The following SLC38A2 variants were observed in gnomAD, a reference collection of about 807,000 sequenced individuals.
SLC38A2 encodes the protein sodium-coupled neutral amino acid symporter 2.
SLC38A2 carries 11 observed loss-of-function variants against 61.5 expected under a neutral mutation model. That is an observed-to-expected ratio of 0.18 (90% CI 0.11 to 0.30). The LOEUF is 0.30. SLC38A2 is among the 10% of genes least tolerant of loss of function. SLC38A2 has a pLI of 1.00. For missense variants in SLC38A2, 522 were observed against 600.4 expected, an observed-to-expected ratio of 0.87 and a Z score of 1.36; for synonymous variants, 217 against 212.5, an observed-to-expected ratio of 1.02 and a Z score of -0.18.
chr12:46,362,612 C>A lies in SLC38A2; in HGVS notation c.1206G>T (p.Leu402Phe). 1 of 1,580,866 alleles carries A rather than the reference C, an allele frequency of 6.3e-7. No individual in the cohort carries two copies. The highest frequency in any genetic ancestry group is 1.2e-5 in the South Asian group (1 of 83,206). ...ACCAACTGAAATCTTTTGATGCACA[C>A]AACAAGTGAGTTACAGAACTCCGGA... ...FPIRSSVTHL[L>F]CASKDFSWWR... The change falls in exon 14 of 16, where the codon TTG becomes TTT. Residue 402 changes from leucine (L) to phenylalanine (F), a missense_variant. Leu to Phe is a conservative substitution (Grantham distance 22). Coordinates refer to ENST00000256689, the MANE Select transcript of SLC38A2 (RefSeq NM_018976.5).
chr12:46,372,111 C>T (rs1456274954), intron 1 of SLC38A2, among the ~76,000 whole-genome samples: 1 of 152,246 alleles, frequency 6.6e-6, no homozygotes, highest in Admixed American at 6.5e-5. Flanking sequence ...CCAATCTTGG[C>T]CTCTCCTGTA....
At position 46,358,288 on chromosome 12, in the gene SLC38A2, G is replaced by C. The variant is rs755892886; in HGVS notation, c.*2823C>G. The C allele has an allele frequency of 6.6e-6, 1 of 152,574 alleles. No individual in the cohort carries two copies. Among genetic ancestry groups the C allele is most frequent in the Non-Finnish European group, 1.5e-5 (1 of 68,026 alleles). The allele number at this position is 152,574 out of a possible 1,614,324, so 9.5% of individuals were successfully genotyped here. A position where few individuals can be genotyped will look rare whatever the true frequency, so the allele number is the denominator to read the frequency against. On this transcript the variant is annotated 3_prime_UTR_variant, in exon 16 of 16. Transcript: ENST00000256689. ...TTTGCCAACAAGCCATACTAGAATT[G>C]TTGGCCTCTAACAGTACAGTGGGGA...
rs1211170960 is a variant in SLC38A2 at position 46,362,487 on chromosome 12, A to C, written c.1324+7T>G. 2 of 1,592,782 alleles carry C rather than the reference A, an allele frequency of 1.3e-6. No individual in the cohort carries two copies. The highest frequency in any genetic ancestry group is 1.7e-6 in the Non-Finnish European group (2 of 1,174,220). On this transcript the variant is annotated splice_region_variant and intron_variant, in intron 14 of 15. Coordinates refer to ENST00000256689, the MANE Select transcript of SLC38A2 (RefSeq NM_018976.5). ...TTGAATCCACTTGGATACTTTCTAA[A>C]ACTTACCAATAAAACCAAAGATATC...
Position 46,360,335 on chromosome 12 carries a change from G to A in SLC38A2, c.*776C>T, listed in dbSNP as rs1332165047. ...GAATGAACCAAATTGTTTGGGGACA[G>A]AGAAGAAAAGTGATGAACAGAGTTC... On this transcript the variant is annotated 3_prime_UTR_variant, in exon 16 of 16. Coordinates refer to ENST00000256689, the MANE Select transcript of SLC38A2 (RefSeq NM_018976.5). 6.6e-6 allele frequency: 1 copy of A among 152,494 alleles called. No individual in the cohort carries two copies. The highest frequency in any genetic ancestry group is 1.9e-4 in the East Asian group (1 of 5,186). The allele number at this position is 152,494 out of a possible 1,614,324, so 9.4% of individuals were successfully genotyped here.
At chr12:46,363,903 A>T in intron 11 of SLC38A2, 21 bp downstream of exon 11, 1 of 1,597,370 alleles carries the variant, frequency 6.3e-7, no homozygotes, top group South Asian at 1.1e-5. Context: ...TCTCAAATTT[A>T]TGTAAAAATG....
At position 46,364,020 on chromosome 12, in the gene SLC38A2, AAATCTACTT is replaced by A; in HGVS notation, c.874-26_874-18del. ...ATAGACAGTCTGAAAGAAAACGTAAAAATCTACTTAATCTGATGTAACGAACTCATGCTG... is the reference window on the plus strand; with the variant it reads ...ATAGACAGTCTGAAAGAAAACGTAAAAATCTGATGTAACGAACTCATGCTG... On this transcript the variant is annotated intron_variant, in intron 10 of 15. Transcript: ENST00000256689. 3.1e-6 allele frequency: 5 copies of A among 1,589,850 alleles called. No homozygotes were observed. The highest frequency in any genetic ancestry group is 4.3e-6 in the Non-Finnish European group (5 of 1,169,482).
intron 7 of SLC38A2, among the ~76,000 whole-genome samples, chr12:46,366,085 C>T (rs935854141): frequency 3.9e-5 from 6 of 152,128 alleles, no homozygotes; most frequent in African/African-American, 1.4e-4. Flanking sequence ...TATCCTTCCC[C>T]ATGTTTACTT....
At chr12:46,367,243 G>C (rs756011173) in intron 5 of SLC38A2, 24 bp downstream of exon 5, 2 of 1,585,132 alleles carry the variant, frequency 1.3e-6, no homozygotes, top group Admixed American at 1.7e-5. Context: ...CATTGTTTTA[G>C]AAAAATCAAG....
chr12:46,361,085 C>T lies in SLC38A2; in HGVS notation c.*26G>A, dbSNP rs1053937619. On this transcript the variant is annotated 3_prime_UTR_variant, in exon 16 of 16. Coordinates refer to ENST00000256689, the MANE Select transcript of SLC38A2 (RefSeq NM_018976.5). ...TTACTCAACACTGGCATCAGATGGACTGAGTTTGAGTTTGAGTGGTGCCAA... is the reference window on the plus strand; with the variant it reads ...TTACTCAACACTGGCATCAGATGGATTGAGTTTGAGTTTGAGTGGTGCCAA... 3.2e-6 allele frequency: 5 copies of T among 1,578,872 alleles called. No homozygotes were observed. The highest frequency in any genetic ancestry group is 4.3e-6 in the Non-Finnish European group (5 of 1,150,746).
At chr12:46,361,343 G>A in intron 15 of SLC38A2, 134 bp from the exon 16 acceptor site, 1 of 722,630 alleles carries the variant, frequency 1.4e-6, no homozygotes, top group Admixed American at 2.8e-5. Context: ...TATTTAACTT[G>A]CTAAATATAA....
At chr12:46,370,416 C>T (rs1246337865) in intron 4 of SLC38A2, 96 bp downstream of exon 4, 3 of 885,266 alleles carry the variant, frequency 3.4e-6, no homozygotes, top group South Asian at 1.4e-5. Context: ...ACTTTTGAGT[C>T]AGCTACTCCA....
intron 7 of SLC38A2, among the ~76,000 whole-genome samples, chr12:46,366,641 T>C (rs1943141134): frequency 6.6e-6 from 1 of 152,214 alleles, no homozygotes; most frequent in African/African-American, 2.4e-5. Flanking sequence ...AAACCTGTTT[T>C]AGAAATTAAG....
chr12:46,372,576 A>T lies in SLC38A2; in HGVS notation c.-154T>A. 1 of 397,620 alleles carries T rather than the reference A, an allele frequency of 2.5e-6. No homozygotes were observed. The highest frequency in any genetic ancestry group is 4.4e-6 in the Non-Finnish European group (1 of 225,602). 24.6% of individuals were successfully genotyped at this position (397,620 alleles called of 1,614,324 possible). A position where few individuals can be genotyped will look rare whatever the true frequency, so the allele number is the denominator to read the frequency against. On this transcript the variant is annotated 5_prime_UTR_variant, in exon 1 of 16. Transcript: ENST00000256689. The stretch of plus-strand genomic sequence containing the variant: ...CTCTCAGTCAAATACAAATCATAAA[A>T]AACAAACAAAAAATTTCCCCAAATC...
rs1055639864 is a variant in SLC38A2, at chr12:46,367,506, T to G, written c.315-166A>C. ...CTCCTACTAACTGGAATGGCAACAC[T>G]GTCTCTTGGCTGGCAGTAAAAACTT... On this transcript the variant is annotated intron_variant, in intron 4 of 15. Transcript: ENST00000256689. 14 of 612,708 alleles carry G rather than the reference T, an allele frequency of 2.3e-5. No homozygotes were observed. The African/African-American group carries it at 2.6e-4, about 11-fold the overall frequency. 38.0% of individuals were successfully genotyped at this position (612,708 alleles called of 1,614,324 possible). A position where few individuals can be genotyped will look rare whatever the true frequency, so the allele number is the denominator to read the frequency against.
rs1943052740 is a variant in SLC38A2, at chr12:46,359,046, T to G, written c.*2065A>C. 1 of 151,836 alleles carries G rather than the reference T, an allele frequency of 6.6e-6. No individual in the cohort carries two copies. Among genetic ancestry groups the G allele is most frequent in the Non-Finnish European group, 1.5e-5 (1 of 67,994 alleles). 9.4% of individuals were successfully genotyped at this position (151,836 alleles called of 1,614,324 possible). On this transcript the variant is annotated 3_prime_UTR_variant, in exon 16 of 16. Coordinates refer to ENST00000256689, the MANE Select transcript of SLC38A2 (RefSeq NM_018976.5). ...TTAATTTGCTGTAGAGAAAAGAATT[T>G]TTTTTCCATTCCTTCCTGGTTGCCA... is the stretch of plus-strand genomic sequence containing the variant.
intron 1 of SLC38A2, among the ~76,000 whole-genome samples, chr12:46,371,813 TA>T (rs1943205835): frequency 6.6e-6 from 1 of 152,182 alleles, no homozygotes; most frequent in Admixed American, 6.5e-5. Flanking sequence ...CAATGCTGCG[TA>T]ATCTGTCCTT....
chr12:46,364,588 T>A, intron 9 of SLC38A2, 32 bp from the exon 10 acceptor site: 1 of 1,599,430 alleles, frequency 6.3e-7, no homozygotes, highest in Non-Finnish European at 8.5e-7. Flanking sequence ...TGTGTTAAAC[T>A]AAGTGACATG....
chr12:46,358,566 A>G lies in SLC38A2; in HGVS notation c.*2545T>C, dbSNP rs1210203067. On this transcript the variant is annotated 3_prime_UTR_variant, in exon 16 of 16. Transcript: ENST00000256689. ...TTGTACACAATTTGTCAATTTTTCAATATTCAATTTTCTGTACAGGTACTT... is the reference window on the plus strand; with the variant it reads ...TTGTACACAATTTGTCAATTTTTCAGTATTCAATTTTCTGTACAGGTACTT... 6.6e-6 allele frequency: 1 copy of G among 152,514 alleles called. No homozygotes were observed. Among genetic ancestry groups the G allele is most frequent in the African/African-American group, 2.4e-5 (1 of 41,444 alleles). 9.4% of individuals were successfully genotyped at this position (152,514 alleles called of 1,614,324 possible). A position where few individuals can be genotyped will look rare whatever the true frequency, so the allele number is the denominator to read the frequency against.
chr12:46,362,988 T>C lies in SLC38A2; in HGVS notation c.1179+33A>G, dbSNP rs997007898. On this transcript the variant is annotated intron_variant, in intron 13 of 15. Coordinates refer to ENST00000256689, the MANE Select transcript of SLC38A2 (RefSeq NM_018976.5). ...CAATATTCACATGTCTAAAAACTCC[T>C]TCCTACTGAAAGCAGAGCAAGTGAT... 8.1e-6 allele frequency: 13 copies of C among 1,610,094 alleles called. No individual in the cohort carries two copies. The African/African-American group carries it at 1.6e-4, about 20-fold the overall frequency.
Sources: allele counts gnomAD v4.1 joint callset (sites outside exome capture counted in the v4.1 genomes callset), GRCh38; gene constraint gnomAD v4.1.1; transcripts MANE v1.5; gene names NCBI Gene and HGNC (gene_info 2026-07-23, HGNC 2026-07-21).